FILIP1L: variants seen among roughly 807,000 people sequenced by gnomAD.
FILIP1L encodes the protein filamin A interacting protein 1 like.
FILIP1L carries 55 observed loss-of-function variants against 96.6 expected under a neutral mutation model. The ratio of observed to expected loss-of-function variants is 0.57; its 90% confidence interval spans 0.46 to 0.71. FILIP1L has a LOEUF of 0.71. FILIP1L is among the 30% of genes least tolerant of loss of function. FILIP1L has a pLI of 0.00. For synonymous variants in FILIP1L, 467 were observed against 473.9 expected, an observed-to-expected ratio of 0.99 and a Z score of 0.19; for missense variants, 1,304 against 1,321.2, an observed-to-expected ratio of 0.99 and a Z score of 0.20.
In FILIP1L at chr3:100,067,924, C is replaced by T. The variant is rs528476529; in HGVS notation, c.-11+46129G>A. Among the ~76,000 whole-genome samples the T allele has an allele frequency of 7.2e-5, 11 of 152,270 alleles. No individual in the cohort carries two copies. In the East Asian group the frequency reaches 1.9e-3, roughly 27 times the overall value. ...TGCAATCAAAGCTTTCCCTACCCTA[C>T]CACCCAGGCAAGTCATTCATGTCCT... On this transcript the variant is annotated intron_variant, in intron 1 of 5. Transcript: ENST00000477258.
At chr3:99,907,922 A>G (rs1421100675) in intron 4 of FILIP1L, among the ~76,000 whole-genome samples, 1 of 152,236 alleles carries the variant, frequency 6.6e-6, no homozygotes, top group Non-Finnish European at 1.5e-5. Flanking sequence ...TGCCTGGCAC[A>G]TGGAAGGAAC....
chr3:99,886,967 C>T (rs1705920685), intron 4 of FILIP1L, among the ~76,000 whole-genome samples: 1 of 125,716 alleles, frequency 8.0e-6, no homozygotes, highest in Non-Finnish European at 1.7e-5. Context: ...GAGACTCCAT[C>T]TCAAAAAAAA....
chr3:99,965,974 T>C, intron 1 of FILIP1L, among the ~76,000 whole-genome samples: 1 of 152,118 alleles, frequency 6.6e-6, no homozygotes, highest in Non-Finnish European at 1.5e-5. Flanking sequence ...TGTAAGCCCC[T>C]AGTAAACCCC....
chr3:100,096,660 CAA>C (rs1179101855), intron 1 of FILIP1L, among the ~76,000 whole-genome samples: 6 of 111,702 alleles, frequency 5.4e-5, no homozygotes, highest in Non-Finnish European at 3.8e-5. Context: ...TTAAGGAGTA[CAA>C]AAAAAAAAAA....
chr3:99,876,007 A>G, intron 4 of FILIP1L: 2 of 973,878 alleles, frequency 2.1e-6, no homozygotes, highest in Non-Finnish European at 1.2e-6. Flanking sequence ...CCACCCACAG[A>G]CTTGCTACCT....
intron 1 of FILIP1L, among the ~76,000 whole-genome samples, chr3:100,059,168 A>G (rs2065516569): frequency 6.6e-6 from 1 of 152,216 alleles, no homozygotes. Context: ...AGAAACATAT[A>G]CTTGGAGTTG....
chr3:100,047,136 G>T (rs1321955559), intron 1 of FILIP1L, among the ~76,000 whole-genome samples: 1 of 152,122 alleles, frequency 6.6e-6, no homozygotes, highest in South Asian at 2.1e-4. Context: ...GGTAAAATGG[G>T]TATAATACTT....
intron 1 of FILIP1L, chr3:100,023,347 G>A (rs2064859638): frequency 1.3e-5 from 2 of 152,636 alleles, no homozygotes; most frequent in Non-Finnish European, 2.9e-5. Flanking sequence ...CAGTGTGTCT[G>A]AAAGTCAAAC....
In FILIP1L at chr3:99,849,185, T is replaced by C. The variant is rs1220708928; in HGVS notation, c.2491A>G (p.Ser831Gly). Residue 831 changes from serine (S) to glycine (G), a missense_variant, in exon 5 of 6, where the codon AGT becomes GGT. By Grantham distance (56) the Ser-to-Gly change is moderately conservative. Transcript: ENST00000477258. ...TTAGGGTCCTCGTCTTGATTCTCAC[T>C]CTCCTCATATAACTGACCATTGATG... is the stretch of plus-strand genomic sequence containing the variant. ...AVINGQLYEESENQDEDPNDE... is the reference protein window; with the variant it reads ...AVINGQLYEEGENQDEDPNDE... 1 of 1,614,146 alleles carries C rather than the reference T, an allele frequency of 6.2e-7. No individual in the cohort carries two copies. The highest frequency in any genetic ancestry group is 1.1e-5 in the South Asian group (1 of 91,078).
chr3:100,020,862 G>A (rs1576646685), intron 1 of FILIP1L, among the ~76,000 whole-genome samples: 1 of 139,614 alleles, frequency 7.2e-6, no homozygotes, highest in East Asian at 2.3e-4. Context: ...CTGCCTCCCA[G>A]GTTCAAGTGA....
chr3:100,104,442 A>C (rs543064176), intron 1 of FILIP1L, among the ~76,000 whole-genome samples: 3 of 152,316 alleles, frequency 2.0e-5, no homozygotes, highest in African/African-American at 7.2e-5. Flanking sequence ...TACTCCAGAA[A>C]GATGTAGCAA....
chr3:99,982,923 T>G (rs971555721), intron 1 of FILIP1L, among the ~76,000 whole-genome samples: 1 of 152,176 alleles, frequency 6.6e-6, no homozygotes, highest in African/African-American at 2.4e-5. Flanking sequence ...TTTTTTAGTC[T>G]GTTACATCAA....
chr3:99,962,236 G>A (rs1708515167), intron 1 of FILIP1L, among the ~76,000 whole-genome samples: 1 of 152,060 alleles, frequency 6.6e-6, no homozygotes, highest in African/African-American at 2.4e-5. Context: ...GGTGAGGAGT[G>A]GGGAAAACAG....
intron 3 of FILIP1L, among the ~76,000 whole-genome samples, chr3:99,926,664 A>G (rs927299963): frequency 1.3e-5 from 2 of 152,234 alleles, no homozygotes; most frequent in African/African-American, 4.8e-5. Context: ...AGCATAAATG[A>G]ATTACTAAAA....
chr3:99,933,616 A>T (rs867115737), intron 1 of FILIP1L, among the ~76,000 whole-genome samples: 5 of 152,166 alleles, frequency 3.3e-5, no homozygotes, highest in Non-Finnish European at 7.3e-5. Flanking sequence ...GAATATCCTT[A>T]CTCTGGGCTA....
chr3:99,841,923 A>G (rs1272761194), intron 5 of FILIP1L, among the ~76,000 whole-genome samples: 7 of 152,218 alleles, frequency 4.6e-5, no homozygotes, highest in Non-Finnish European at 8.8e-5. Context: ...AACAGTGTGG[A>G]GATTCCTTAA....
intron 4 of FILIP1L, among the ~76,000 whole-genome samples, chr3:99,899,623 AC>A (rs1706370689): frequency 6.6e-6 from 1 of 152,222 alleles, no homozygotes; most frequent in Non-Finnish European, 1.5e-5. Context: ...AGGACAAAGT[AC>A]TAGGAATCTG....
chr3:99,957,564 C>A (rs1708357461), intron 1 of FILIP1L, among the ~76,000 whole-genome samples: 1 of 152,022 alleles, frequency 6.6e-6, no homozygotes, highest in Non-Finnish European at 1.5e-5. Context: ...TTCTTTAATA[C>A]CGTAAACAGT....
intron 4 of FILIP1L, 127 bp from the exon 5 acceptor site, chr3:99,851,197 CAA>C (rs1943680726): frequency 1.4e-6 from 1 of 690,436 alleles, no homozygotes; most frequent in Non-Finnish European, 2.2e-6. Flanking sequence ...ATACAATATG[CAA>C]AAGAGTTCCT....
Sources: gnomAD v4.1 joint callset for allele counts (sites outside exome capture counted in the v4.1 genomes callset) on GRCh38, gnomAD v4.1.1 for gene constraint, MANE v1.5 for transcripts, NCBI Gene and HGNC (gene_info 2026-07-23, HGNC 2026-07-21) for gene names.